The following MAGI2 variants were observed in gnomAD, a reference collection of about 807,000 sequenced individuals.
MAGI2 encodes membrane-associated guanylate kinase, WW and PDZ domain-containing protein 2.
In MAGI2, 35 loss-of-function variants were observed where a neutral mutation model predicts 133.3. The ratio of observed to expected loss-of-function variants is 0.26; its 90% CI spans 0.20 to 0.35. The LOEUF is 0.35. Ranked by LOEUF, MAGI2 falls within the 10% of genes least tolerant of loss-of-function variation. The probability of loss-of-function intolerance (pLI) is 1.00; values close to 1 mark genes in which losing one functional copy is unlikely to be tolerated. For missense variants in MAGI2, 1,636 were observed against 1,863.4 expected (o/e 0.88, Z 2.25); for synonymous variants, 729 against 710.6 (o/e 1.03, Z -0.41).
intron 6 of MAGI2, among the ~76,000 whole-genome samples, chr7:78,386,685 T>A (rs1274773668): frequency 2.0e-5 from 3 of 152,174 alleles, no homozygotes; most frequent in Non-Finnish European, 4.4e-5. Flanking sequence ...TGGTAACAAC[T>A]GGACTGTGTG....
In MAGI2 at chr7:78,345,940, G is replaced by C. The variant is rs1221588401; in HGVS notation, c.1207C>G (p.Gln403Glu). 11 of 1,614,064 alleles carry C rather than the reference G, an allele frequency of 6.8e-6. No homozygotes were observed. Among genetic ancestry groups the C allele is most frequent in the Admixed American group, 1.7e-5 (1 of 60,000 alleles). ...ATCATACCTCGGAAACCTGGGGCCTGCAGGGGCTTTGTTCCAAGTTCTGTG... is the reference window on the plus strand; with the variant it reads ...ATCATACCTCGGAAACCTGGGGCCTCCAGGGGCTTTGTTCCAAGTTCTGTG... ...PHTELGTKPL[Q>E]APGFREKPLF... The change falls in exon 8 of 22, where the codon CAG becomes GAG. Residue 403 changes from glutamine to glutamate, a missense_variant. Gln to Glu is a conservative substitution (Grantham distance 29). Coordinates refer to ENST00000354212, the MANE Select transcript of MAGI2 (RefSeq NM_012301.4).
chr7:78,196,225 C>T (rs1482327323), intron 11 of MAGI2, among the ~76,000 whole-genome samples: 1 of 152,014 alleles, frequency 6.6e-6, no homozygotes, highest in Non-Finnish European at 1.5e-5. Context: ...GAGGTGTCTC[C>T]TTTCCTAGAG....
intron 3 of MAGI2, among the ~76,000 whole-genome samples, chr7:78,578,010 C>A (rs775568804): frequency 9.6e-4 from 144 of 149,656 alleles, no homozygotes; most frequent in Non-Finnish European, 1.6e-3. Context: ...AATATGAAAA[C>A]CAGTTATCAC....
At chr7:78,862,083 G>C (rs1794195276) in intron 2 of MAGI2, among the ~76,000 whole-genome samples, 1 of 152,106 alleles carries the variant, frequency 6.6e-6, no homozygotes, top group South Asian at 2.1e-4. Context: ...ATATATTACT[G>C]TTTATGCTAA....
rs756155006 is a variant in MAGI2, at chr7:79,453,231, A to T, written c.90T>A (p.Phe30Leu). 6.2e-7 allele frequency: 1 copy of T among 1,613,920 alleles called. No homozygotes were observed. The highest frequency in any genetic ancestry group is 8.5e-7 in the Non-Finnish European group (1 of 1,180,034). ...CATTCTCGGCGCCCCCCTTCAGTTCAAAGCCCAGCTGGCCCTCCGGGTTCC... is the reference window on the plus strand; with the variant it reads ...CATTCTCGGCGCCCCCCTTCAGTTCTAAGCCCAGCTGGCCCTCCGGGTTCC... Reference protein sequence around the residue: ...IGRNPEGQLGFELKGGAENGQ... With the variant: ...IGRNPEGQLGLELKGGAENGQ... The change falls in exon 1 of 22, where the codon TTT becomes TTA. Residue 30 changes from phenylalanine (F) to leucine (L), a missense_variant. Physicochemically the swap from Phe to Leu is conservative, Grantham distance 22. Around this residue, in one of 5 missense-constraint regions of MAGI2, gnomAD observed 148 missense variants for 239.0 expected, o/e 0.62. Coordinates refer to ENST00000354212, the MANE Select transcript of MAGI2 (RefSeq NM_012301.4).
rs551690031 is a variant in MAGI2, at chr7:78,861,021, C to T, written c.418+146069G>A. Among the ~76,000 whole-genome samples the T allele has an allele frequency of 5.2e-4, 79 of 152,304 alleles. 1 individual carries two copies. The highest frequency in any genetic ancestry group is 1.8e-3 in the African/African-American group (74 of 41,574). On this transcript the variant is annotated intron_variant, in intron 2 of 21. Transcript: ENST00000354212. ...CTGTGCTTGCAGTGAGTGAGGCTCC[C>T]TGGGCATGGGACCCTCCAAGCCATG...
chr7:78,814,830 T>C (rs1456463506), intron 2 of MAGI2, among the ~76,000 whole-genome samples: 1 of 152,162 alleles, frequency 6.6e-6, no homozygotes, highest in African/African-American at 2.4e-5. Context: ...TCAAATGATC[T>C]TCCTGCTTCA....
intron 6 of MAGI2, among the ~76,000 whole-genome samples, chr7:78,425,110 T>C (rs1052592970): frequency 2.0e-5 from 3 of 152,168 alleles, no homozygotes; most frequent in Non-Finnish European, 4.4e-5. Flanking sequence ...AATTCCTACA[T>C]GTCTTGGGAA....
At chr7:78,326,166 T>C (rs1258735690) in intron 9 of MAGI2, among the ~76,000 whole-genome samples, 1 of 152,236 alleles carries the variant, frequency 6.6e-6, no homozygotes, top group Non-Finnish European at 1.5e-5. Flanking sequence ...GAAGAGATTG[T>C]ACCTGACGTA....
rs190056013 is a variant in MAGI2, at chr7:78,602,305, G to C, written c.538+24815C>G. Among the ~76,000 whole-genome samples the C allele has an allele frequency of 6.5e-3, 985 of 151,734 alleles. 8 individuals are homozygous for C. The highest frequency in any genetic ancestry group is 8.4e-3 in the Non-Finnish European group (569 of 67,912). ...CTCCTGAGTAGCTGGGATTACAGGT[G>C]CCCGCCACCATGCCCAGATAATTTT... On this transcript the variant is annotated intron_variant, in intron 3 of 21. Transcript: ENST00000354212.
chr7:78,566,299 T>C (rs1249650245), intron 3 of MAGI2, among the ~76,000 whole-genome samples: 1 of 152,168 alleles, frequency 6.6e-6, no homozygotes, highest in Non-Finnish European at 1.5e-5. Context: ...GAACAGATCC[T>C]GAACGGTGGA....
At chr7:78,259,136 T>A (rs1378042307) in intron 9 of MAGI2, among the ~76,000 whole-genome samples, 1 of 152,210 alleles carries the variant, frequency 6.6e-6, no homozygotes, top group Non-Finnish European at 1.5e-5. Context: ...TCTTTTCATG[T>A]TTATTGGCCT....
intron 1 of MAGI2, among the ~76,000 whole-genome samples, chr7:79,115,137 C>T (rs1385198171): frequency 6.6e-6 from 1 of 152,130 alleles, no homozygotes. Flanking sequence ...TGCATCTGCT[C>T]CTGAAATGTT....
intron 3 of MAGI2, among the ~76,000 whole-genome samples, chr7:78,554,016 C>T (rs911526830): frequency 6.6e-6 from 1 of 151,966 alleles, no homozygotes; most frequent in Admixed American, 6.6e-5. Flanking sequence ...ATGTATTTTC[C>T]CCCATTTCTA....
At chr7:79,399,090 C>CTTTTTTTTTTT (rs1337058211) in intron 1 of MAGI2, among the ~76,000 whole-genome samples, 5 of 101,466 alleles carry the variant, frequency 4.9e-5, no homozygotes, top group African/African-American at 2.5e-4. Flanking sequence ...TTTTTTTTTT[C>CTTTTTTTTTTT]TTTTCTTTTT....
intron 1 of MAGI2, among the ~76,000 whole-genome samples, chr7:79,407,593 G>A (rs1845891414): frequency 6.6e-6 from 1 of 152,090 alleles, no homozygotes; most frequent in Non-Finnish European, 1.5e-5. Flanking sequence ...TAAGAGGTTG[G>A]TATGACGAAC....
intron 9 of MAGI2, among the ~76,000 whole-genome samples, chr7:78,323,626 T>C (rs567721673): frequency 6.6e-6 from 1 of 152,318 alleles, no homozygotes; most frequent in African/African-American, 2.4e-5. Flanking sequence ...TTTATGGTCA[T>C]AGTTTTTTTT....
intron 2 of MAGI2, among the ~76,000 whole-genome samples, chr7:78,764,223 C>T (rs917078170): frequency 9.9e-5 from 15 of 152,174 alleles, no homozygotes; most frequent in Admixed American, 6.5e-4. Context: ...CTATACTGGG[C>T]ACTTTCAATA....
chr7:78,217,833 T>C (rs1788420500), intron 10 of MAGI2, among the ~76,000 whole-genome samples: 1 of 152,180 alleles, frequency 6.6e-6, no homozygotes, highest in African/African-American at 2.4e-5. Context: ...GGTTTTATAT[T>C]CAATGGAACA....
Sources: allele counts gnomAD v4.1 joint callset (sites outside exome capture counted in the v4.1 genomes callset), GRCh38; gene constraint gnomAD v4.1.1; regional missense constraint gnomAD v4.1.1; transcripts MANE v1.5; gene names NCBI Gene and HGNC (gene_info 2026-07-23, HGNC 2026-07-21).